The following EYS variants were observed in gnomAD, a reference collection of about 807,000 sequenced individuals.
EYS encodes the protein protein eyes shut homolog.
In EYS, 250 loss-of-function variants were observed where a neutral mutation model predicts 282.1. That is an observed-to-expected ratio of 0.89 (90% CI 0.80 to 0.98). The LOEUF (loss-of-function observed/expected upper bound fraction) is 0.98. EYS is among the 50% of genes least tolerant of loss of function. The pLI, the probability that EYS is intolerant of heterozygous loss-of-function variation, is 0.00. For missense variants in EYS, 4,016 were observed against 3,709.0 expected (o/e 1.08, Z -2.15); for synonymous variants, 1,355 against 1,282.9 (o/e 1.06, Z -1.20).
intron 12 of EYS, 40 bp from the exon 13 acceptor site, chr6:65,057,767 G>C: frequency 7.8e-7 from 1 of 1,288,864 alleles, no homozygotes; most frequent in Non-Finnish European, 1.1e-6. Context: ...GTGTTAACAA[G>C]ACAGGCATGT....
intron 12 of EYS, among the ~76,000 whole-genome samples, chr6:65,093,186 T>A (rs1435684094): frequency 1.3e-5 from 2 of 151,964 alleles, no homozygotes; most frequent in African/African-American, 4.8e-5. Flanking sequence ...ATGAATATTA[T>A]CCCCAGTAAA....
chr6:65,481,718 T>C (rs909467620), intron 5 of EYS, among the ~76,000 whole-genome samples: 13 of 152,076 alleles, frequency 8.5e-5, no homozygotes, highest in African/African-American at 2.9e-4. Context: ...TCGGCTAATT[T>C]TTTGTATTTT....
At position 64,152,013 on chromosome 6, in the gene EYS, C is replaced by T. The variant is rs146418159; in HGVS notation, c.6425-70011G>A. On this transcript the variant is annotated intron_variant, in intron 31 of 42. Coordinates refer to ENST00000503581, the MANE Select transcript of EYS (RefSeq NM_001142800.2). ...TCCTAGAGCTGAATGATTAACTCTC[C>T]TCCTTAGGGATATTTGTTGTGCAGT... is the stretch of plus-strand genomic sequence containing the variant. Among the ~76,000 whole-genome samples the T allele has an allele frequency of 1.3e-3, 194 of 152,178 alleles. 1 individual carries two copies. The East Asian group carries it at 0.034, about 27-fold the overall frequency.
intron 37 of EYS, among the ~76,000 whole-genome samples, chr6:63,794,425 G>A (rs540832775): frequency 2.0e-5 from 3 of 152,154 alleles, no homozygotes; most frequent in Non-Finnish European, 2.9e-5. Flanking sequence ...AATTGCTTCA[G>A]TGCATTACTT....
chr6:64,936,534 G>A (rs1233492472), intron 15 of EYS, among the ~76,000 whole-genome samples: 1 of 151,292 alleles, frequency 6.6e-6, no homozygotes, highest in African/African-American at 2.4e-5. Context: ...AAAATCCTAA[G>A]GAATCGACCA....
At chr6:63,837,226 A>G (rs1562052002) in intron 36 of EYS, among the ~76,000 whole-genome samples, 1 of 152,126 alleles carries the variant, frequency 6.6e-6, no homozygotes. Flanking sequence ...TGTTTTCTAC[A>G]TGCTACTCAT....
At chr6:64,941,517 G>T (rs1205947131) in intron 15 of EYS, among the ~76,000 whole-genome samples, 2 of 152,040 alleles carry the variant, frequency 1.3e-5, no homozygotes, top group Admixed American at 1.3e-4. Flanking sequence ...TGGATATACT[G>T]CATGATGCTG....
intron 21 of EYS, among the ~76,000 whole-genome samples, chr6:64,815,756 G>A (rs965745290): frequency 1.3e-5 from 2 of 152,060 alleles, no homozygotes; most frequent in African/African-American, 4.8e-5. Context: ...GAATCCTGCA[G>A]ACCAGGGCAA....
intron 37 of EYS, among the ~76,000 whole-genome samples, chr6:63,795,581 T>G (rs1293717884): frequency 3.3e-5 from 5 of 152,192 alleles, no homozygotes; most frequent in Admixed American, 6.5e-5. Context: ...AGCCTATAAT[T>G]ATAGTTAAGC....
At chr6:64,574,622 C>T (rs368100928) in intron 26 of EYS, among the ~76,000 whole-genome samples, 1 of 152,070 alleles carries the variant, frequency 6.6e-6, no homozygotes, top group East Asian at 1.9e-4. Context: ...GGGAGAAGTA[C>T]CAGTTCTAAT....
At chr6:64,289,792 C>A (rs1274076357) in intron 30 of EYS, among the ~76,000 whole-genome samples, 1 of 152,010 alleles carries the variant, frequency 6.6e-6, no homozygotes, top group Non-Finnish European at 1.5e-5. Flanking sequence ...GAATAAACCT[C>A]AGGCAAACTG....
intron 9 of EYS, among the ~76,000 whole-genome samples, chr6:65,352,314 T>C (rs1764312661): frequency 6.6e-6 from 1 of 151,928 alleles, no homozygotes. Flanking sequence ...CATCAAACTG[T>C]TAATTTGCTG....
chr6:65,259,143 T>C lies in EYS; in HGVS notation c.2023+36720A>G, dbSNP rs1767549357. 2.0e-5 allele frequency among the ~76,000 whole-genome samples: 3 copies of C among 152,098 alleles called. 1 individual carries two copies. Among genetic ancestry groups the C allele is most frequent in the Non-Finnish European group, 4.4e-5 (3 of 68,004 alleles). ...CTGAGGTCTTGTGTCTCTTCCTTTA[T>C]ACATATACCTATTGAAGTAAGTTGA... On this transcript the variant is annotated intron_variant, in intron 12 of 42. Coordinates refer to ENST00000503581, the MANE Select transcript of EYS (RefSeq NM_001142800.2).
chr6:64,540,386 G>A (rs1270327224), intron 26 of EYS, among the ~76,000 whole-genome samples: 1 of 151,940 alleles, frequency 6.6e-6, no homozygotes, highest in Non-Finnish European at 1.5e-5. Context: ...GCAATGTAAG[G>A]TGATTATTTA....
At chr6:65,591,855 A>G (rs2127368482) in intron 2 of EYS, among the ~76,000 whole-genome samples, 1 of 152,088 alleles carries the variant, frequency 6.6e-6, no homozygotes, top group Admixed American at 6.6e-5. Flanking sequence ...ATTATTTTTT[A>G]TATTTAATAA....
intron 28 of EYS, among the ~76,000 whole-genome samples, chr6:64,425,142 G>T (rs1054084991): frequency 3.0e-4 from 46 of 152,156 alleles, no homozygotes; most frequent in African/African-American, 1.0e-3. Flanking sequence ...TCAGGTATTG[G>T]GTGAGGTCGA....
chr6:64,082,337 T>C (rs1281778820), intron 31 of EYS, among the ~76,000 whole-genome samples: 1 of 152,178 alleles, frequency 6.6e-6, no homozygotes. Flanking sequence ...TCTTTTGCGA[T>C]ATTTTGTGAT....
chr6:65,535,437 A>G (rs1488537530), intron 2 of EYS, among the ~76,000 whole-genome samples: 1 of 152,058 alleles, frequency 6.6e-6, no homozygotes, highest in Non-Finnish European at 1.5e-5. Context: ...GTTCCCCTGC[A>G]CAAGCCCTCT....
chr6:65,220,332 A>G (rs1014642932), intron 12 of EYS, among the ~76,000 whole-genome samples: 30 of 152,130 alleles, frequency 2.0e-4, no homozygotes, highest in Non-Finnish European at 1.6e-4. Flanking sequence ...TAGTGAGGGT[A>G]ACACTGTGAT....
Sources: gnomAD v4.1 joint callset for allele counts (sites outside exome capture counted in the v4.1 genomes callset) on GRCh38, gnomAD v4.1.1 for gene constraint, MANE v1.5 for transcripts, NCBI Gene and HGNC (gene_info 2026-07-23, HGNC 2026-07-21) for gene names.